SPAG16: variants seen among roughly 807,000 people sequenced by gnomAD.
The protein encoded by SPAG16 is sperm associated antigen 16, also known as sperm-associated antigen 16 protein.
SPAG16 carries 86 observed loss-of-function variants against 80.4 expected under a neutral mutation model. The observed-to-expected ratio is 1.07, with a 90% CI of 0.90 to 1.28. The LOEUF is 1.28. Among genes scored for constraint, SPAG16 ranks in the 50% most tolerant of loss-of-function variants. SPAG16 has a pLI of 0.00. For synonymous variants in SPAG16, 294 were observed against 265.9 expected, an observed-to-expected ratio of 1.11 and a Z score of -1.03; for missense variants, 870 against 765.3, an observed-to-expected ratio of 1.14 and a Z score of -1.61.
intron 12 of SPAG16, among the ~76,000 whole-genome samples, chr2:213,938,170 C>T (rs2079063082): frequency 6.6e-6 from 1 of 151,854 alleles, no homozygotes; most frequent in African/African-American, 2.4e-5. Context: ...AAAGCAAGAA[C>T]TTTACCATGT....
intron 10 of SPAG16, among the ~76,000 whole-genome samples, chr2:213,540,236 G>A (rs2076397151): frequency 6.6e-6 from 1 of 151,526 alleles, no homozygotes; most frequent in Non-Finnish European, 1.5e-5. Flanking sequence ...ATTTTTAGTA[G>A]AGACGGGGTT....
At chr2:213,360,629 G>T (rs184983417) in intron 7 of SPAG16, among the ~76,000 whole-genome samples, 176 of 152,246 alleles carry the variant, frequency 1.2e-3, no homozygotes, top group African/African-American at 4.0e-3. Context: ...CTTTCTTTCT[G>T]TTGTAGCATA....
At chr2:214,237,237 A>T (rs183215070) in intron 15 of SPAG16, among the ~76,000 whole-genome samples, 1 of 152,262 alleles carries the variant, frequency 6.6e-6, no homozygotes, top group East Asian at 1.9e-4. Context: ...TAAAGAAAGC[A>T]CTTAAGAGAA....
intron 12 of SPAG16, among the ~76,000 whole-genome samples, chr2:213,991,356 T>C (rs1190140439): frequency 2.0e-5 from 3 of 152,204 alleles, no homozygotes; most frequent in Non-Finnish European, 4.4e-5. Context: ...GGCTGCATAG[T>C]ACTCCATGGT....
In SPAG16 at chr2:214,134,923, C is replaced by T. The variant is rs146866859; in HGVS notation, c.1594-14217C>T. Among the ~76,000 whole-genome samples the T allele has an allele frequency of 9.8e-4, 149 of 152,270 alleles. 1 individual carries two copies. In the Middle Eastern group the frequency reaches 0.017, roughly 17 times the overall value. On this transcript the variant is annotated intron_variant, in intron 14 of 15. Coordinates refer to ENST00000331683, the MANE Select transcript of SPAG16 (RefSeq NM_024532.5). ...TCCCCATGGAGTAGTATGTTAATTT[C>T]TGCTTTGTGCTCTGACATTGTGCCG... is the stretch of plus-strand genomic sequence containing the variant.
chr2:213,352,249 G>T (rs181564192), intron 7 of SPAG16, among the ~76,000 whole-genome samples: 2 of 151,470 alleles, frequency 1.3e-5, no homozygotes, highest in African/African-American at 4.9e-5. Context: ...GTGTGAGAAT[G>T]AACTAATACA....
At chr2:213,996,868 C>A (rs747268998) in intron 12 of SPAG16, among the ~76,000 whole-genome samples, 2 of 152,046 alleles carry the variant, frequency 1.3e-5, no homozygotes, top group African/African-American at 4.8e-5. Flanking sequence ...GCACCCGGCC[C>A]TACTAATGCT....
rs1477560761 is a variant in SPAG16, at chr2:213,585,929, T to G, written c.1070+95839T>G. Among the ~76,000 whole-genome samples, 14 of 152,104 alleles carry G rather than the reference T, an allele frequency of 9.2e-5. 1 individual carries two copies. The highest frequency in any genetic ancestry group is 9.2e-4 in the Admixed American group (14 of 15,252). On this transcript the variant is annotated intron_variant, in intron 10 of 15. Coordinates refer to ENST00000331683, the MANE Select transcript of SPAG16 (RefSeq NM_024532.5). The stretch of plus-strand genomic sequence containing the variant: ...ACTGCTTTTGAAACATTTATTACCC[T>G]CCTCCTTCTTTTTTTTTCCAAATGA...
intron 9 of SPAG16, among the ~76,000 whole-genome samples, chr2:213,414,020 T>A (rs2069124454): frequency 1.3e-5 from 2 of 152,202 alleles, no homozygotes; most frequent in South Asian, 4.1e-4. Context: ...CCTGAAAATA[T>A]AAAATAATAG....
intron 10 of SPAG16, among the ~76,000 whole-genome samples, chr2:213,834,716 T>G (rs1436176395): frequency 6.6e-6 from 1 of 152,140 alleles, no homozygotes; most frequent in Non-Finnish European, 1.5e-5. Context: ...AAACCTTGCT[T>G]CTTAGGCCCT....
intron 9 of SPAG16, among the ~76,000 whole-genome samples, chr2:213,450,832 AT>A (rs1362453719): frequency 2.6e-5 from 4 of 152,078 alleles, no homozygotes; most frequent in Non-Finnish European, 5.9e-5. Flanking sequence ...CATACATATA[AT>A]TTTTTTCTAT....
intron 10 of SPAG16, among the ~76,000 whole-genome samples, chr2:213,534,628 C>A (rs1230318260): frequency 6.6e-6 from 1 of 151,884 alleles, no homozygotes; most frequent in African/African-American, 2.4e-5. Flanking sequence ...AAGCAAGACC[C>A]AAAATAATGT....
intron 14 of SPAG16, among the ~76,000 whole-genome samples, chr2:214,135,055 A>G (rs934889029): frequency 6.6e-6 from 1 of 152,170 alleles, no homozygotes; most frequent in African/African-American, 2.4e-5. Flanking sequence ...CACCTGATGA[A>G]TTTATCCTAG....
chr2:214,107,815 C>T (rs1416646330), intron 13 of SPAG16, among the ~76,000 whole-genome samples: 1 of 152,232 alleles, frequency 6.6e-6, no homozygotes, highest in East Asian at 1.9e-4. Context: ...ACTGCCTACC[C>T]CCAGCAGCAG....
At chr2:214,025,945 T>G (rs947706209) in intron 13 of SPAG16, among the ~76,000 whole-genome samples, 3 of 151,728 alleles carry the variant, frequency 2.0e-5, no homozygotes, top group Admixed American at 2.0e-4. Context: ...AGATGGTCAT[T>G]TGTTGTTTAT....
At chr2:214,082,285 GT>G (rs2125268019) in intron 13 of SPAG16, among the ~76,000 whole-genome samples, 1 of 152,094 alleles carries the variant, frequency 6.6e-6, no homozygotes, top group East Asian at 1.9e-4. Flanking sequence ...ACTCAACTCT[GT>G]TTTTCCATAA....
intron 11 of SPAG16, among the ~76,000 whole-genome samples, chr2:213,903,234 G>T (rs1469619860): frequency 2.0e-5 from 3 of 152,182 alleles, no homozygotes; most frequent in South Asian, 2.1e-4. Context: ...TCTGCATGGG[G>T]GCTCAGACCC....
intron 15 of SPAG16, among the ~76,000 whole-genome samples, chr2:214,326,835 C>T (rs1218488339): frequency 1.3e-5 from 2 of 148,866 alleles, no homozygotes; most frequent in Non-Finnish European, 3.0e-5. Flanking sequence ...GTCCCAGCTA[C>T]TTGGGAGGCT....
rs540853199 is a variant in SPAG16, at chr2:213,306,144, T to C, written c.280-3915T>C. Among the ~76,000 whole-genome samples, 11 of 152,044 alleles carry C rather than the reference T, an allele frequency of 7.2e-5. 1 individual carries two copies. In the South Asian group the frequency reaches 2.3e-3, roughly 32 times the overall value. On this transcript the variant is annotated intron_variant, in intron 3 of 15. Coordinates refer to ENST00000331683, the MANE Select transcript of SPAG16 (RefSeq NM_024532.5). ...TGGCACGTAGTTGCTCATTGTAGCC[T>C]CCAATGATCCTTTAAAATTTCTTTG...
Sources: allele counts gnomAD v4.1 joint callset (sites outside exome capture counted in the v4.1 genomes callset), GRCh38; gene constraint gnomAD v4.1.1; transcripts MANE v1.5; gene names NCBI Gene and HGNC (gene_info 2026-07-23, HGNC 2026-07-21).